The following CLCN4 variants were observed in gnomAD, a reference collection of about 807,000 sequenced individuals.
CLCN4 encodes the protein H(+)/Cl(-) exchange transporter 4.
A neutral mutation model predicts 41.7 loss-of-function variants in CLCN4; 1 was observed. The ratio of observed to expected loss-of-function variants is 0.02; its 90% CI spans 0.01 to 0.11. The LOEUF (loss-of-function observed/expected upper bound fraction) is 0.11. Among genes scored for constraint, CLCN4 ranks in the 10% least tolerant of loss-of-function variants. The pLI is 1.00. For missense variants in CLCN4, 287 were observed against 661.0 expected (o/e 0.43, Z 6.20); for synonymous variants, 277 against 285.8 (o/e 0.97, Z 0.31).
At chrX:10,182,724 C>T (rs995355826) in intron 2 of CLCN4, among the ~76,000 whole-genome samples, 1 of 112,522 alleles carries the variant, frequency 8.9e-6, no homozygotes, top group African/African-American at 3.2e-5. Context: ...TCGGGCCTGG[C>T]CCCTAGATGA....
At chrX:10,214,702 A>G (rs1053447777) in intron 11 of CLCN4, among the ~76,000 whole-genome samples, 6 of 112,554 alleles carry the variant, frequency 5.3e-5, no homozygotes, top group Non-Finnish European at 3.8e-5. Flanking sequence ...TTGAATGACA[A>G]TCAGCTGCAC....
rs753811800 is a variant in CLCN4 at position 10,235,681 on chromosome X, G to A, written c.*2097G>A. The A allele has an allele frequency of 4.5e-5, 5 of 111,975 alleles. No homozygotes were observed. The East Asian group carries it at 1.1e-3, about 25-fold the overall frequency. 9.2% of individuals were successfully genotyped at this position (111,975 alleles called of 1,213,427 possible). ...GGTTTCTATGGAACTTCTAATTAAT[G>A]TGCAAAATACATATTTTCTCCAGGT... On this transcript the variant is annotated 3_prime_UTR_variant, in exon 13 of 13. Transcript: ENST00000380833.
At chrX:10,165,162 G>C (rs1014480519) in intron 2 of CLCN4, among the ~76,000 whole-genome samples, 1 of 113,295 alleles carries the variant, frequency 8.8e-6, no homozygotes, top group Admixed American at 9.2e-5. Context: ...TGTTCTTGAC[G>C]TGGTCCTGCC....
intron 11 of CLCN4, among the ~76,000 whole-genome samples, chrX:10,217,324 G>A (rs1019585942): frequency 9.0e-6 from 1 of 111,295 alleles, no homozygotes; most frequent in Non-Finnish European, 1.9e-5. Context: ...CAGTTCAAGT[G>A]GGAGTACTCC....
rs2147167405 is a variant in CLCN4 at position 10,185,109 on chromosome X, C to T, written c.77C>T (p.Thr26Met). ...FLDEPFPDVGTYEDFHTIDWL... is the reference protein window; with the variant it reads ...FLDEPFPDVGMYEDFHTIDWL... ...GATGAGCCGTTCCCTGATGTGGGGACGTATGAGGACTTCCACACCATCGAC... is the reference window on the plus strand; with the variant it reads ...GATGAGCCGTTCCCTGATGTGGGGATGTATGAGGACTTCCACACCATCGAC... Residue 26 changes from threonine (T) to methionine (M), a missense_variant, in exon 3 of 13, where the codon ACG (threonine) becomes ATG (methionine). Transcript: ENST00000380833. The T allele has an allele frequency of 1.7e-6, 2 of 1,208,443 alleles. No homozygotes were observed. The highest frequency in any genetic ancestry group is 2.2e-6 in the Non-Finnish European group (2 of 893,269).
intron 2 of CLCN4, among the ~76,000 whole-genome samples, chrX:10,174,866 C>T (rs1923477668): frequency 8.9e-6 from 1 of 112,344 alleles, no homozygotes; most frequent in Admixed American, 9.4e-5. Flanking sequence ...GAATACTCTC[C>T]TGACTTCTAT....
intron 2 of CLCN4, among the ~76,000 whole-genome samples, chrX:10,175,349 C>T (rs1450486468): frequency 2.7e-5 from 3 of 111,063 alleles, no homozygotes; most frequent in Non-Finnish European, 5.7e-5. Flanking sequence ...ATTCCTCATA[C>T]AGGCTTGTTG....
At chrX:10,184,918 G>A (rs779944052) in intron 2 of CLCN4, 104 bp from the exon 3 acceptor site, 51 of 621,578 alleles carry the variant, frequency 8.2e-5, no homozygotes, top group Non-Finnish European at 1.2e-4. Context: ...TGCCTATGCT[G>A]AAATAATTTT....
At chrX:10,160,517 G>A (rs1200162215) in intron 2 of CLCN4, among the ~76,000 whole-genome samples, 27 of 111,371 alleles carry the variant, frequency 2.4e-4, no homozygotes, top group Non-Finnish European at 1.1e-4. Flanking sequence ...GCACGTCCCT[G>A]GACGTAGTCT....
intron 2 of CLCN4, among the ~76,000 whole-genome samples, chrX:10,162,021 T>TC (rs1923121584): frequency 1.0e-5 from 1 of 96,089 alleles, no homozygotes; most frequent in African/African-American, 3.8e-5. Context: ...GTCTTTTTTT[T>TC]TTTTTTTTTT....
rs1403682051 is a variant in CLCN4, at chrX:10,211,253, G to A, written c.1390-1214G>A. Among the ~76,000 whole-genome samples the A allele has an allele frequency of 3.0e-4, 21 of 69,561 alleles. No homozygotes were observed. In the Admixed American group the frequency reaches 4.2e-3, roughly 14 times the overall value. The allele number at this position is 69,561 out of a possible 115,157, so 60.4% of individuals were successfully genotyped here. On this transcript the variant is annotated intron_variant, in intron 9 of 12. Coordinates refer to ENST00000380833, the MANE Select transcript of CLCN4 (RefSeq NM_001830.4). ...TGCACACGGGCCTGGGCGACAGAGC[G>A]AGATTCCGTCTCAAAAAAAAAAAAA...
At chrX:10,196,157 A>G (rs1381662115) in intron 5 of CLCN4, among the ~76,000 whole-genome samples, 2 of 112,165 alleles carry the variant, frequency 1.8e-5, no homozygotes, top group East Asian at 5.5e-4. Flanking sequence ...GTTTTTGATT[A>G]TAGCCATCCT....
intron 3 of CLCN4, among the ~76,000 whole-genome samples, chrX:10,187,192 G>A (rs1323392762): frequency 8.9e-6 from 1 of 112,450 alleles, no homozygotes; most frequent in South Asian, 3.6e-4. Flanking sequence ...TGGAGACACC[G>A]AACCAATGTC....
intron 12 of CLCN4, among the ~76,000 whole-genome samples, chrX:10,222,516 A>G (rs1306088893): frequency 9.0e-6 from 1 of 110,523 alleles, no homozygotes; most frequent in East Asian, 2.8e-4. Flanking sequence ...GGATGATTTT[A>G]CCTCCCAGAG....
rs1393945584 is a variant in CLCN4, at chrX:10,158,387, C to T, written c.-176C>T. 18 of 294,763 alleles carry T rather than the reference C, an allele frequency of 6.1e-5. No homozygotes were observed. The highest frequency in any genetic ancestry group is 8.7e-4 in the Middle Eastern group (1 of 1,147). 24.3% of individuals were successfully genotyped at this position (294,763 alleles called of 1,213,427 possible). ...CACCTCCCGGGACTTCCAGGGTCTT[C>T]CCCCCACCCCGCGCACACCTCCCTG... is the stretch of plus-strand genomic sequence containing the variant. On this transcript the variant is annotated 5_prime_UTR_variant, in exon 2 of 13. Coordinates refer to ENST00000380833, the MANE Select transcript of CLCN4 (RefSeq NM_001830.4).
intron 4 of CLCN4, among the ~76,000 whole-genome samples, chrX:10,193,433 A>C (rs1040531849): frequency 8.9e-6 from 1 of 111,948 alleles, no homozygotes; most frequent in African/African-American, 3.3e-5. Flanking sequence ...TTTAGGGTCA[A>C]GCTTTGAGGA....
At chrX:10,188,902 C>T (rs1183394002) in intron 4 of CLCN4, among the ~76,000 whole-genome samples, 2 of 112,047 alleles carry the variant, frequency 1.8e-5, no homozygotes, top group Non-Finnish European at 3.8e-5. Flanking sequence ...CTCAGCATTC[C>T]GTAAAGAGCT....
chrX:10,196,434 C>A (rs910463859), intron 5 of CLCN4, among the ~76,000 whole-genome samples: 6 of 111,239 alleles, frequency 5.4e-5, no homozygotes, highest in African/African-American at 2.0e-4. Flanking sequence ...TGAGGAGGAA[C>A]CAGGTTGTCA....
intron 4 of CLCN4, among the ~76,000 whole-genome samples, chrX:10,191,013 T>A (rs1923945919): frequency 8.9e-6 from 1 of 112,578 alleles, no homozygotes; most frequent in Non-Finnish European, 1.9e-5. Flanking sequence ...TATGTATGTA[T>A]GTAAAGCTTT....
Sources: allele counts gnomAD v4.1 joint callset (sites outside exome capture counted in the v4.1 genomes callset), GRCh38; gene constraint gnomAD v4.1.1; transcripts MANE v1.5; gene names NCBI Gene and HGNC (gene_info 2026-07-23, HGNC 2026-07-21).